Variants in ATG7 observed in about 807,000 individuals in gnomAD.
ATG7 encodes the protein ubiquitin-like modifier-activating enzyme ATG7.
A neutral mutation model predicts 82.4 loss-of-function variants in ATG7; 70 were observed. That is an observed-to-expected ratio of 0.85 (90% confidence interval 0.70 to 1.04). ATG7 has a LOEUF of 1.04. ATG7 is among the 50% of genes least tolerant of loss of function. ATG7 has a pLI of 0.00. For missense variants in ATG7, 792 were observed against 864.3 expected (o/e 0.92, Z 1.05); for synonymous variants, 287 against 313.0 (o/e 0.92, Z 0.88).
intron 19 of ATG7, among the ~76,000 whole-genome samples, chr3:11,411,932 T>C (rs1490939079): frequency 1.3e-5 from 2 of 152,060 alleles, no homozygotes; most frequent in African/African-American, 4.8e-5. Flanking sequence ...TTCTTTTGCC[T>C]GTGGATATCC....
intron 20 of ATG7, among the ~76,000 whole-genome samples, chr3:11,546,767 C>G (rs1382698829): frequency 1.3e-5 from 2 of 152,206 alleles, no homozygotes; most frequent in Non-Finnish European, 2.9e-5. Context: ...AAAGGTCCCT[C>G]TTCCCCTAAT....
At chr3:11,525,537 A>T (rs1229158773) in intron 20 of ATG7, among the ~76,000 whole-genome samples, 4 of 142,508 alleles carry the variant, frequency 2.8e-5, no homozygotes, top group African/African-American at 5.3e-5. Context: ...CACAGCCAAC[A>T]TTAATATCTA....
the ATG7 span, chr3:11,564,678 C>T: frequency 8.0e-7 from 1 of 1,242,882 alleles, no homozygotes; most frequent in Non-Finnish European, 1.1e-6. Flanking sequence ...CACCACCTCC[C>T]TCCCTCACCA....
chr3:11,411,520 T>C (rs1214388577), intron 19 of ATG7, among the ~76,000 whole-genome samples: 1 of 145,952 alleles, frequency 6.9e-6, no homozygotes, highest in Non-Finnish European at 1.5e-5. Flanking sequence ...CTCAGGAGCC[T>C]GAGGCAGGAG....
chr3:11,536,868 G>T (rs1441004749), intron 20 of ATG7, among the ~76,000 whole-genome samples: 1 of 152,168 alleles, frequency 6.6e-6, no homozygotes, highest in African/African-American at 2.4e-5. Context: ...GCAAGATCAT[G>T]TCCAGCTCTG....
intron 20 of ATG7, among the ~76,000 whole-genome samples, chr3:11,435,574 C>T (rs189020581): frequency 1.3e-5 from 2 of 152,208 alleles, no homozygotes; most frequent in Admixed American, 1.3e-4. Flanking sequence ...GTATGAGTAA[C>T]CCGAATCCTG....
intron 20 of ATG7, among the ~76,000 whole-genome samples, chr3:11,479,110 G>C (rs2153029119): frequency 6.6e-6 from 1 of 151,332 alleles, no homozygotes; most frequent in South Asian, 2.1e-4. Flanking sequence ...TCAATGGCAG[G>C]CTCCAGCATT....
chr3:11,474,433 C>T (rs945846274), intron 20 of ATG7, among the ~76,000 whole-genome samples: 45 of 152,108 alleles, frequency 3.0e-4, no homozygotes, highest in African/African-American at 1.0e-3. Flanking sequence ...GACTCTGGCT[C>T]TACAAAAAAT....
intron 20 of ATG7, among the ~76,000 whole-genome samples, chr3:11,479,797 C>G (rs1464695576): frequency 6.6e-6 from 1 of 152,204 alleles, no homozygotes; most frequent in African/African-American, 2.4e-5. Flanking sequence ...CAGCTAACCT[C>G]CCTCCACCAA....
intron 20 of ATG7, among the ~76,000 whole-genome samples, chr3:11,466,376 G>A (rs1454137251): frequency 6.6e-6 from 1 of 152,180 alleles, no homozygotes; most frequent in Non-Finnish European, 1.5e-5. Flanking sequence ...AAGATCAGTT[G>A]GTTTTGTGTC....
chr3:11,411,790 T>C (rs552925854), intron 19 of ATG7, among the ~76,000 whole-genome samples: 48 of 152,264 alleles, frequency 3.2e-4, no homozygotes, highest in African/African-American at 1.1e-3. Context: ...AAATCATTGC[T>C]AAATCCATTG....
Position 11,494,661 on chromosome 3 carries a change from C to G in ATG7, c.2080-60150C>G, listed in dbSNP as rs2090668745. On this transcript the variant is annotated intron_variant, in intron 20 of 20. Coordinates refer to ENST00000693202, the MANE Select transcript of ATG7 (RefSeq NM_001349232.2). ...TGTTGAGCAGAGCAGAATAGATCATCTCTTGATGGAACACAGATATGGAGG... is the reference window on the plus strand; with the variant it reads ...TGTTGAGCAGAGCAGAATAGATCATGTCTTGATGGAACACAGATATGGAGG... Among the ~76,000 whole-genome samples, 3 of 152,196 alleles carry G rather than the reference C, an allele frequency of 2.0e-5. No individual in the cohort carries two copies. In the South Asian group the frequency reaches 6.2e-4, roughly 32 times the overall value.
At chr3:11,569,331 G>A in the ATG7 span, among the ~76,000 whole-genome samples, 1 of 152,296 alleles carries the variant, frequency 6.6e-6, no homozygotes, top group Middle Eastern at 3.4e-3. Context: ...AAGACATTTT[G>A]AGGATACATT....
intron 18 of ATG7, among the ~76,000 whole-genome samples, chr3:11,375,918 C>T (rs2077385719): frequency 6.6e-6 from 1 of 152,200 alleles, no homozygotes; most frequent in African/African-American, 2.4e-5. Flanking sequence ...AAATGTTAAA[C>T]AGTCGTCATA....
intron 9 of ATG7, among the ~76,000 whole-genome samples, chr3:11,327,935 G>T (rs967677567): frequency 3.3e-5 from 5 of 152,236 alleles, no homozygotes; most frequent in Non-Finnish European, 7.3e-5. Flanking sequence ...TGCTGCTGGG[G>T]CATGGACCAC....
In ATG7 at chr3:11,557,166, A is replaced by G. The variant is rs1489941892; in HGVS notation, c.*2323A>G. 1.3e-5 allele frequency: 2 copies of G among 152,766 alleles called. No individual in the cohort carries two copies. Among genetic ancestry groups the G allele is most frequent in the African/African-American group, 4.8e-5 (2 of 41,464 alleles). The allele number at this position is 152,766 out of a possible 1,614,324, so 9.5% of individuals were successfully genotyped here. ...AAACGCTCATTGACCAAAAAGGAGCAGCTGTGACCTCCACAGCTGTGTCTG... is the reference window on the plus strand; with the variant it reads ...AAACGCTCATTGACCAAAAAGGAGCGGCTGTGACCTCCACAGCTGTGTCTG... On this transcript the variant is annotated 3_prime_UTR_variant, in exon 21 of 21. Transcript: ENST00000693202.
the ATG7 span, among the ~76,000 whole-genome samples, chr3:11,572,008 G>A: frequency 3.3e-5 from 5 of 152,202 alleles, no homozygotes; most frequent in African/African-American, 1.2e-4. Context: ...TCTGGAGGCT[G>A]AGGTGGGAGG....
At chr3:11,275,349 T>C (rs1161076454) in intron 1 of ATG7, among the ~76,000 whole-genome samples, 1 of 150,224 alleles carries the variant, frequency 6.7e-6, no homozygotes, top group Admixed American at 6.6e-5. Context: ...TCCTCTTTTT[T>C]TTTTTTTCTT....
chr3:11,493,191 G>GT (rs1241874723), intron 20 of ATG7, among the ~76,000 whole-genome samples: 3 of 152,178 alleles, frequency 2.0e-5, no homozygotes, highest in African/African-American at 7.2e-5. Context: ...TGGAAAGGGG[G>GT]TGGGAAGGCC....
Sources: allele counts gnomAD v4.1 joint callset (sites outside exome capture counted in the v4.1 genomes callset), GRCh38; gene constraint gnomAD v4.1.1; transcripts MANE v1.5; gene names NCBI Gene and HGNC (gene_info 2026-07-23, HGNC 2026-07-21).